Variants in ABCA12 observed in about 807,000 individuals in gnomAD.
ABCA12 encodes ATP binding cassette subfamily A member 12.
Under a neutral mutation model 293.5 loss-of-function variants are expected in ABCA12, and 156 were observed. The ratio of observed to expected loss-of-function variants is 0.53; its 90% CI spans 0.47 to 0.61. The LOEUF (loss-of-function observed/expected upper bound fraction) is 0.61, where lower values mean the gene tolerates loss of function less well. Ranked by LOEUF, ABCA12 falls within the 20% of genes least tolerant of loss-of-function variation. The probability of loss-of-function intolerance (pLI) is 0.00; values close to 1 mark genes in which losing one functional copy is unlikely to be tolerated. For missense variants in ABCA12, 2,797 were observed against 3,090.2 expected (o/e 0.91, Z 2.25); for synonymous variants, 1,063 against 1,108.0 (o/e 0.96, Z 0.81).
intron 5 of ABCA12, among the ~76,000 whole-genome samples, chr2:215,051,609 A>AGTGT (rs3050094): frequency 0.11 from 13,655 of 121,256 alleles, 958 homozygotes; most frequent in Admixed American, 0.15. Context: ...TAAAAACGCT[A>AGTGT]GTGTGTGTGT....
intron 1 of ABCA12, among the ~76,000 whole-genome samples, chr2:215,137,463 T>A (rs1160939541): frequency 6.6e-6 from 1 of 152,190 alleles, no homozygotes; most frequent in Non-Finnish European, 1.5e-5. Flanking sequence ...CTGATGAGGA[T>A]CTAATAGCTA....
At chr2:215,073,155 T>A (rs541535074) in intron 2 of ABCA12, among the ~76,000 whole-genome samples, 5 of 152,064 alleles carry the variant, frequency 3.3e-5, no homozygotes, top group Non-Finnish European at 5.9e-5. Flanking sequence ...TCATCTGGGG[T>A]GAGTAGGGTT....
chr2:215,029,011 T>G (rs1164629778), intron 9 of ABCA12: 2 of 152,080 alleles, frequency 1.3e-5, no homozygotes, highest in African/African-American at 4.8e-5. Context: ...AAGAGACAAA[T>G]GAAACTATGA....
intron 14 of ABCA12, among the ~76,000 whole-genome samples, chr2:215,017,202 T>C (rs1370079785): frequency 6.6e-6 from 1 of 152,218 alleles, no homozygotes; most frequent in Non-Finnish European, 1.5e-5. Context: ...ATAACTGGGC[T>C]GTGCTTAGAA....
chr2:214,996,361 T>C (rs989308948), intron 23 of ABCA12, among the ~76,000 whole-genome samples: 1 of 152,198 alleles, frequency 6.6e-6, no homozygotes, highest in Admixed American at 6.5e-5. Flanking sequence ...TTACTGTTTC[T>C]ATCACAAGTA....
intron 5 of ABCA12, 49 bp downstream of exon 5, chr2:215,052,438 A>T (rs372899830): frequency 1.4e-4 from 208 of 1,457,612 alleles, no homozygotes; most frequent in South Asian, 2.3e-5. Context: ...ATTAACCTAA[A>T]AGGCCTATGT....
intron 36 of ABCA12, among the ~76,000 whole-genome samples, chr2:214,973,306 T>C (rs1275536590): frequency 6.6e-6 from 1 of 152,164 alleles, no homozygotes; most frequent in East Asian, 1.9e-4. Flanking sequence ...GAAGAAAATA[T>C]TGCAAGAAAT....
chr2:215,004,400 G>T, intron 19 of ABCA12, 101 bp from the exon 20 acceptor site: 1 of 823,694 alleles, frequency 1.2e-6, no homozygotes, highest in Non-Finnish European at 2.0e-6. Flanking sequence ...ACCACAACTG[G>T]GCATTATCAA....
At chr2:215,092,552 C>G (rs1440241710) in intron 2 of ABCA12, among the ~76,000 whole-genome samples, 1 of 152,032 alleles carries the variant, frequency 6.6e-6, no homozygotes, top group Non-Finnish European at 1.5e-5. Context: ...ACCTAATCAC[C>G]CTTACCCCAC....
intron 22 of ABCA12, among the ~76,000 whole-genome samples, chr2:214,999,121 TTTG>T (rs1396753787): frequency 1.3e-5 from 2 of 152,200 alleles, no homozygotes; most frequent in East Asian, 1.9e-4. Flanking sequence ...TTCCATTTTT[TTTG>T]TTGTTGTTTC....
At chr2:214,938,157 C>T (rs1317468637) in intron 50 of ABCA12, among the ~76,000 whole-genome samples, 2 of 151,690 alleles carry the variant, frequency 1.3e-5, no homozygotes, top group Non-Finnish European at 2.9e-5. Flanking sequence ...TCCCTGTGTC[C>T]ATGTATTCTC....
chr2:215,052,519 G>A lies in ABCA12; in HGVS notation c.475C>T (p.Gln159Ter), dbSNP rs1377871468. The A allele has an allele frequency of 6.2e-7, 1 of 1,612,632 alleles. No homozygotes were observed. The highest frequency in any genetic ancestry group is 8.5e-7 in the Non-Finnish European group (1 of 1,179,022). ...AAGCCAAGAATTCGTGCGAGCACTT[G>A]ACTGCCATTGAAAGTATATGTTCCG... ...IPGTYTFNGS[Q>*]VLARILGLEK... is the part of the protein sequence containing the mutation. Residue 159 changes from glutamine to a stop codon, truncating the protein, a stop_gained, in exon 5 of 53, where the codon CAA becomes TAA. Coordinates refer to ENST00000272895, the MANE Select transcript of ABCA12 (RefSeq NM_173076.3). LOFTEE classifies it high-confidence loss of function.
intron 28 of ABCA12, 53 bp from the exon 29 acceptor site, chr2:214,983,918 A>G (rs1699727241): frequency 6.6e-7 from 1 of 1,514,080 alleles, no homozygotes; most frequent in Non-Finnish European, 9.1e-7. Flanking sequence ...GAAGCTAGAT[A>G]TTAGGAATAA....
At chr2:215,047,497 A>G (rs1701226666) in intron 6 of ABCA12, among the ~76,000 whole-genome samples, 1 of 152,180 alleles carries the variant, frequency 6.6e-6, no homozygotes, top group Non-Finnish European at 1.5e-5. Context: ...CAACCATCTG[A>G]TCTTCAACAG....
chr2:214,953,396 A>G (rs1024199430), intron 44 of ABCA12, among the ~76,000 whole-genome samples: 1 of 152,218 alleles, frequency 6.6e-6, no homozygotes, highest in Admixed American at 6.5e-5. Context: ...TGCTGGGTCA[A>G]TGGCATGTGT....
chr2:215,045,501 C>T (rs188656470), intron 7 of ABCA12, among the ~76,000 whole-genome samples: 2 of 152,278 alleles, frequency 1.3e-5, no homozygotes, highest in African/African-American at 4.8e-5. Flanking sequence ...TTGCATAGAG[C>T]TCAGGTTGTC....
chr2:215,031,547 G>C (rs1359050303), intron 9 of ABCA12, among the ~76,000 whole-genome samples: 2 of 152,116 alleles, frequency 1.3e-5, no homozygotes, highest in African/African-American at 4.8e-5. Flanking sequence ...TAGGCATAAG[G>C]TAACCAATCC....
intron 9 of ABCA12, among the ~76,000 whole-genome samples, chr2:215,029,618 T>G (rs1700829773): frequency 6.6e-6 from 1 of 152,184 alleles, no homozygotes; most frequent in Non-Finnish European, 1.5e-5. Context: ...TTGACCTTGA[T>G]AAGGCATTCT....
intron 50 of ABCA12, among the ~76,000 whole-genome samples, chr2:214,941,112 T>C (rs982853202): frequency 6.6e-6 from 1 of 152,216 alleles, no homozygotes; most frequent in Admixed American, 6.5e-5. Context: ...GTGCTCTAAA[T>C]TTCCCTCTAA....
Sources: allele counts gnomAD v4.1 joint callset (sites outside exome capture counted in the v4.1 genomes callset), GRCh38; gene constraint gnomAD v4.1.1; transcripts MANE v1.5; gene names NCBI Gene and HGNC (gene_info 2026-07-23, HGNC 2026-07-21).